The following DIS3L2 variants were observed in gnomAD, a reference collection of about 807,000 sequenced individuals.
DIS3L2 encodes the protein DIS3 like 3'-5' exoribonuclease 2, also known as DIS3-like exonuclease 2.
In DIS3L2, 34 loss-of-function variants were observed where a neutral mutation model predicts 97.5. The observed-to-expected ratio is 0.35, with a 90% CI of 0.27 to 0.46. The LOEUF (loss-of-function observed/expected upper bound fraction) is 0.46, where lower values mean the gene tolerates loss of function less well. Among genes scored for constraint, DIS3L2 ranks in the 20% least tolerant of loss-of-function variants. The pLI is 1.00. For synonymous variants in DIS3L2, 435 were observed against 445.2 expected, an observed-to-expected ratio of 0.98 and a Z score of 0.29; for missense variants, 1,038 against 1,146.0, an observed-to-expected ratio of 0.91 and a Z score of 1.36.
intron 14 of DIS3L2, among the ~76,000 whole-genome samples, chr2:232,316,102 T>C (rs1695267298): frequency 6.6e-6 from 1 of 152,154 alleles, no homozygotes; most frequent in African/African-American, 2.4e-5. Context: ...CTGAGTGCCC[T>C]GGCATTGGTG....
At chr2:232,009,704 C>T (rs1371259850) in intron 1 of DIS3L2, among the ~76,000 whole-genome samples, 1 of 152,124 alleles carries the variant, frequency 6.6e-6, no homozygotes, top group Admixed American at 6.5e-5. Context: ...CTTGCTGTGG[C>T]CCTAACATTT....
chr2:232,172,472 C>T (rs1691019189), intron 9 of DIS3L2, among the ~76,000 whole-genome samples: 2 of 152,164 alleles, frequency 1.3e-5, no homozygotes, highest in South Asian at 2.1e-4. Context: ...TATATCAGAA[C>T]GTAATTCCAT....
At chr2:232,077,302 CAAA>C (rs59216318) in intron 5 of DIS3L2, among the ~76,000 whole-genome samples, 2 of 140,428 alleles carry the variant, frequency 1.4e-5, no homozygotes, top group Non-Finnish European at 1.6e-5. Flanking sequence ...TTTTACCTTC[CAAA>C]AAAAAAAAAA....
chr2:231,970,954 A>T (rs1003382120), intron 1 of DIS3L2, among the ~76,000 whole-genome samples: 6 of 152,174 alleles, frequency 3.9e-5, no homozygotes, highest in Non-Finnish European at 8.8e-5. Flanking sequence ...TTTGTTAAAA[A>T]CTAAGACACA....
chr2:232,338,154 AAG>A (rs1696025361), downstream of DIS3L2, among the ~76,000 whole-genome samples: 2 of 151,670 alleles, frequency 1.3e-5, no homozygotes, highest in East Asian at 2.0e-4. Context: ...CCCAAACAGG[AAG>A]GACCAGGGCC....
intron 1 of DIS3L2, among the ~76,000 whole-genome samples, chr2:231,977,396 C>A (rs773569396): frequency 6.6e-6 from 1 of 152,134 alleles, no homozygotes; most frequent in South Asian, 2.1e-4. Context: ...TCATAAAATT[C>A]CTTCCAAAGA....
At chr2:232,340,910 C>T (rs763588362), downstream of DIS3L2, 77 of 471,116 alleles carry the variant, frequency 1.6e-4, 1 homozygote, top group South Asian at 3.4e-4. Flanking sequence ...AAACAAGCTC[C>T]GTGGGGAACA....
chr2:232,181,375 G>A (rs1026655676), intron 9 of DIS3L2, among the ~76,000 whole-genome samples: 1 of 152,278 alleles, frequency 6.6e-6, no homozygotes, highest in East Asian at 1.9e-4. Context: ...CTAGATTGGG[G>A]AAGTTCTCCT....
intron 12 of DIS3L2, among the ~76,000 whole-genome samples, chr2:232,261,665 C>T (rs2106279092): frequency 6.6e-6 from 1 of 152,314 alleles, no homozygotes; most frequent in Admixed American, 6.5e-5. Flanking sequence ...GACTCTGCCC[C>T]TGTCCTATAT....
At chr2:232,032,705 A>G (rs1694834638) in intron 5 of DIS3L2, among the ~76,000 whole-genome samples, 1 of 152,212 alleles carries the variant, frequency 6.6e-6, no homozygotes, top group South Asian at 2.1e-4. Context: ...AGTTTTCTAC[A>G]TATGGCTAGC....
chr2:232,339,018 C>T (rs903600187), downstream of DIS3L2, among the ~76,000 whole-genome samples: 1 of 152,228 alleles, frequency 6.6e-6, no homozygotes, highest in Admixed American at 6.5e-5. Context: ...TGCTCAGAAG[C>T]CAGTGAGTGT....
At chr2:232,078,641 A>G (rs1350816637) in intron 5 of DIS3L2, among the ~76,000 whole-genome samples, 1 of 152,188 alleles carries the variant, frequency 6.6e-6, no homozygotes, top group Non-Finnish European at 1.5e-5. Flanking sequence ...TTGTTCTTCT[A>G]CCTGTTTATC....
At chr2:232,327,995 G>A (rs1695624016) in intron 14 of DIS3L2, among the ~76,000 whole-genome samples, 1 of 152,226 alleles carries the variant, frequency 6.6e-6, no homozygotes, top group Admixed American at 6.5e-5. Context: ...GAAAGTTGTG[G>A]AGCTGAGAGT....
chr2:232,182,201 T>C (rs1340502943), intron 9 of DIS3L2, among the ~76,000 whole-genome samples: 1 of 152,218 alleles, frequency 6.6e-6, no homozygotes, highest in Non-Finnish European at 1.5e-5. Context: ...ATTTTTTATT[T>C]AGGAGTAGGT....
chr2:232,335,758 G>GTGTT lies in DIS3L2; in HGVS notation c.2395-12_2395-9dup, dbSNP rs767785090. Reference sequence around the variant, plus strand: ...ATCCAGAGCTGAGGCCTGAGGCTTGGTGTTTGCACTCCAGGCACTGGCCCT... The same window carrying GTGTT: ...ATCCAGAGCTGAGGCCTGAGGCTTGGTGTTTGTTTGCACTCCAGGCACTGGCCCT... On this transcript the variant is annotated splice_polypyrimidine_tract_variant and intron_variant, in intron 19 of 20. Transcript: ENST00000325385. The GTGTT allele has an allele frequency of 5.8e-6, 9 of 1,549,890 alleles. No individual in the cohort carries two copies. The highest frequency in any genetic ancestry group is 2.7e-5 in the African/African-American group (2 of 73,028).
chr2:231,965,165 G>C (rs1692675686), intron 1 of DIS3L2, among the ~76,000 whole-genome samples: 1 of 152,172 alleles, frequency 6.6e-6, no homozygotes. Context: ...TCTGCATTTG[G>C]TGTTAGGTTT....
intron 15 of DIS3L2, 98 bp downstream of exon 15, chr2:232,330,094 AG>A: frequency 7.1e-7 from 1 of 1,411,342 alleles, no homozygotes; most frequent in Non-Finnish European, 9.5e-7. Context: ...TTCCCCCCAG[AG>A]TCCCTCCCCT....
At chr2:232,082,478 A>C (rs950819335) in intron 5 of DIS3L2, among the ~76,000 whole-genome samples, 1 of 152,164 alleles carries the variant, frequency 6.6e-6, no homozygotes, top group African/African-American at 2.4e-5. Flanking sequence ...CATGAACTCT[A>C]CTATGAACTG....
chr2:231,979,161 A>AT (rs1186775408), intron 1 of DIS3L2, among the ~76,000 whole-genome samples: 3 of 152,124 alleles, frequency 2.0e-5, no homozygotes, highest in Admixed American at 1.3e-4. Flanking sequence ...GTTTTAAGCT[A>AT]TTTTTCCTAT....
Sources: gnomAD v4.1 joint callset for allele counts (sites outside exome capture counted in the v4.1 genomes callset) on GRCh38, gnomAD v4.1.1 for gene constraint, MANE v1.5 for transcripts, NCBI Gene and HGNC (gene_info 2026-07-23, HGNC 2026-07-21) for gene names.